Variants in WDR70 observed in about 807,000 individuals in gnomAD.
WDR70 encodes the protein WD repeat domain 70.
In WDR70, 53 loss-of-function variants were observed where a neutral mutation model predicts 88.6. The ratio of observed to expected loss-of-function variants is 0.60; its 90% CI spans 0.48 to 0.75. The LOEUF is 0.75. Ranked by LOEUF, WDR70 falls within the 30% of genes least tolerant of loss-of-function variation. The pLI is 0.00. For missense variants in WDR70, 610 were observed against 823.2 expected (o/e 0.74, Z 3.17); for synonymous variants, 280 against 270.0 (o/e 1.04, Z -0.36).
intron 13 of WDR70, among the ~76,000 whole-genome samples, chr5:37,714,468 A>G (rs1171232868): frequency 2.6e-5 from 4 of 152,202 alleles, no homozygotes; most frequent in African/African-American, 2.4e-5. Flanking sequence ...CCTGGTCTCC[A>G]TAATAAATGA....
At position 37,450,487 on chromosome 5, in the gene WDR70, C is replaced by G. The variant is rs115795930; in HGVS notation, c.686+7115C>G. ...ACCAGTTCATACTGATGTTCTAACTCTAATCCAGTACTATGTTGATTTATT... is the reference window on the plus strand; with the variant it reads ...ACCAGTTCATACTGATGTTCTAACTGTAATCCAGTACTATGTTGATTTATT... On this transcript the variant is annotated intron_variant, in intron 7 of 17. Transcript: ENST00000265107. 8.1e-3 allele frequency among the ~76,000 whole-genome samples: 1,233 copies of G among 152,324 alleles called. 20 individuals are homozygous for G. The highest frequency in any genetic ancestry group is 0.028 in the African/African-American group (1,168 of 41,574).
intron 9 of WDR70, among the ~76,000 whole-genome samples, chr5:37,540,668 T>C (rs1189262791): frequency 6.6e-6 from 1 of 152,208 alleles, no homozygotes; most frequent in Non-Finnish European, 1.5e-5. Flanking sequence ...GCGTGAGCCA[T>C]TGCCCCTGGC....
intron 7 of WDR70, among the ~76,000 whole-genome samples, chr5:37,455,136 C>G (rs1738790977): frequency 6.6e-6 from 1 of 151,986 alleles, no homozygotes; most frequent in Admixed American, 6.6e-5. Context: ...TCATGTCTTT[C>G]AAGTATTACT....
chr5:37,573,515 T>C (rs11959742), intron 9 of WDR70, among the ~76,000 whole-genome samples: 59,894 of 147,184 alleles, frequency 0.41, 14,408 homozygotes, highest in Non-Finnish European at 0.54. Flanking sequence ...TATCTCCTAA[T>C]GCTATCCCTC....
At chr5:37,462,907 G>A (rs1411204876) in intron 7 of WDR70, among the ~76,000 whole-genome samples, 1 of 152,026 alleles carries the variant, frequency 6.6e-6, no homozygotes. Context: ...TAACTAGTAC[G>A]TCAACTCTGT....
chr5:37,438,519 G>A (rs1489024886), intron 6 of WDR70, among the ~76,000 whole-genome samples: 1 of 152,042 alleles, frequency 6.6e-6, no homozygotes, highest in East Asian at 1.9e-4. Context: ...TGAGATGTAA[G>A]GTGAAATCAT....
chr5:37,484,097 C>T (rs1458027972), intron 8 of WDR70, among the ~76,000 whole-genome samples: 7 of 152,026 alleles, frequency 4.6e-5, no homozygotes, highest in Non-Finnish European at 8.8e-5. Flanking sequence ...AGGGGCTCCT[C>T]ACATCCCAGA....
chr5:37,733,785 T>C (rs1161913027), intron 17 of WDR70, among the ~76,000 whole-genome samples: 1 of 152,022 alleles, frequency 6.6e-6, no homozygotes, highest in African/African-American at 2.4e-5. Context: ...TATTAGTTCT[T>C]TCAAACCGAG....
At chr5:37,629,694 T>C (rs1325304545) in intron 10 of WDR70, among the ~76,000 whole-genome samples, 1 of 152,230 alleles carries the variant, frequency 6.6e-6, no homozygotes, top group Non-Finnish European at 1.5e-5. Context: ...CCTGATTTTG[T>C]TGAATTGTTT....
At chr5:37,656,417 G>A (rs886517813) in intron 10 of WDR70, among the ~76,000 whole-genome samples, 18 of 152,184 alleles carry the variant, frequency 1.2e-4, no homozygotes, top group African/African-American at 3.9e-4. Context: ...CAGGAGACAC[G>A]GGGGTCAGGG....
At chr5:37,671,004 A>G (rs188041827) in intron 10 of WDR70, among the ~76,000 whole-genome samples, 176 of 152,348 alleles carry the variant, frequency 1.2e-3, no homozygotes, top group Non-Finnish European at 1.9e-3. Context: ...AGAAAGTTAT[A>G]TTCAGTCTAG....
intron 10 of WDR70, among the ~76,000 whole-genome samples, chr5:37,678,664 A>C (rs1211511282): frequency 6.6e-6 from 1 of 151,964 alleles, no homozygotes; most frequent in Middle Eastern, 3.4e-3. Context: ...TGCCCTTAAC[A>C]TTTTTTCCTT....
intron 9 of WDR70, among the ~76,000 whole-genome samples, chr5:37,588,245 G>A (rs940263214): frequency 9.9e-5 from 15 of 152,130 alleles, no homozygotes; most frequent in Non-Finnish European, 1.9e-4. Flanking sequence ...GTAACTGGAA[G>A]ATGTTAATTT....
At chr5:37,432,049 A>C (rs1201430937) in intron 5 of WDR70, among the ~76,000 whole-genome samples, 2 of 152,200 alleles carry the variant, frequency 1.3e-5, no homozygotes, top group African/African-American at 4.8e-5. Flanking sequence ...CTCTGCTTTC[A>C]ATTCTTTTGG....
chr5:37,383,175 CAA>C (rs1295885310), intron 3 of WDR70, among the ~76,000 whole-genome samples: 1 of 152,048 alleles, frequency 6.6e-6, no homozygotes, highest in Non-Finnish European at 1.5e-5. Context: ...GTGTGCCTGA[CAA>C]AAAATATTTT....
intron 9 of WDR70, among the ~76,000 whole-genome samples, chr5:37,536,228 A>G (rs1377197481): frequency 6.6e-6 from 1 of 152,176 alleles, no homozygotes; most frequent in Non-Finnish European, 1.5e-5. Flanking sequence ...AGATATATGT[A>G]TATTCCTTCT....
intron 11 of WDR70, among the ~76,000 whole-genome samples, chr5:37,698,342 G>T (rs1043709252): frequency 6.6e-6 from 1 of 152,166 alleles, no homozygotes; most frequent in Non-Finnish European, 1.5e-5. Flanking sequence ...AGAAGGAGAT[G>T]GAGAATAGTG....
chr5:37,629,583 A>G (rs2112521548), intron 10 of WDR70, among the ~76,000 whole-genome samples: 1 of 151,944 alleles, frequency 6.6e-6, no homozygotes, highest in South Asian at 2.1e-4. Context: ...TATATTTTCT[A>G]TTTCATTCAT....
intron 10 of WDR70, among the ~76,000 whole-genome samples, chr5:37,685,440 T>A (rs1324699651): frequency 3.3e-5 from 5 of 152,036 alleles, no homozygotes; most frequent in Admixed American, 6.5e-5. Context: ...GTGTAGGAGC[T>A]ATGATATAGG....
Sources: allele counts gnomAD v4.1 joint callset (sites outside exome capture counted in the v4.1 genomes callset), GRCh38; gene constraint gnomAD v4.1.1; transcripts MANE v1.5; gene names NCBI Gene and HGNC (gene_info 2026-07-23, HGNC 2026-07-21).